PEX1: variants seen among roughly 807,000 people sequenced by gnomAD.
The protein encoded by PEX1 is peroxisomal ATPase PEX1.
Under a neutral mutation model 152.5 loss-of-function variants are expected in PEX1, and 97 were observed. That is an observed-to-expected ratio of 0.64 (90% CI 0.54 to 0.75). PEX1 has a LOEUF of 0.75. Among genes scored for constraint, PEX1 ranks in the 30% least tolerant of loss-of-function variants. The pLI is 0.00. For synonymous variants in PEX1, 485 were observed against 531.6 expected, an observed-to-expected ratio of 0.91 and a Z score of 1.21; for missense variants, 1,357 against 1,516.3, an observed-to-expected ratio of 0.89 and a Z score of 1.74.
intron 1 of PEX1, among the ~76,000 whole-genome samples, chr7:92,527,768 C>CTTAA (rs1793352625): frequency 6.6e-6 from 1 of 152,238 alleles, no homozygotes; most frequent in Non-Finnish European, 1.5e-5. Context: ...TTCAAGTGAT[C>CTTAA]TTAACTACGT....
chr7:92,519,690 A>C (rs1369950953), intron 2 of PEX1, among the ~76,000 whole-genome samples: 1 of 152,242 alleles, frequency 6.6e-6, no homozygotes, highest in Non-Finnish European at 1.5e-5. Context: ...AAATACACTG[A>C]AATAGACACT....
At chr7:92,503,374 G>T (rs577808417) in intron 12 of PEX1, among the ~76,000 whole-genome samples, 179 bp from the exon 13 acceptor site, 1 of 151,956 alleles carries the variant, frequency 6.6e-6, no homozygotes, top group South Asian at 2.1e-4. Context: ...TTTATCTATT[G>T]AGGACCTAAT....
chr7:92,515,109 A>C (rs1792677757), intron 5 of PEX1, among the ~76,000 whole-genome samples: 2 of 54,290 alleles, frequency 3.7e-5, no homozygotes, highest in Admixed American at 2.3e-4. Flanking sequence ...ATATATATAT[A>C]TATATATATA....
intron 11 of PEX1, 120 bp from the exon 12 acceptor site, chr7:92,505,022 A>G: frequency 6.7e-6 from 5 of 743,660 alleles, no homozygotes; most frequent in Non-Finnish European, 1.2e-5. Flanking sequence ...TTTGATCTAT[A>G]TTTTATTAAT....
rs117738184 is a variant in PEX1 at position 92,499,860 on chromosome 7, T to C, written c.2584-22A>G. The C allele has an allele frequency of 6.8e-4, 1,010 of 1,481,020 alleles. 10 individuals carry two copies. The African/African-American group carries it at 0.013, about 20-fold the overall frequency. The allele number at this position is 1,481,020 out of a possible 1,614,324, so 91.7% of individuals were successfully genotyped here. On this transcript the variant is annotated intron_variant, in intron 15 of 23. Transcript: ENST00000248633. ...GATACTGAGAAACAAAAAAAAAAAA[T>C]ATGAAAAAGAGCTCAAGTCTAAACA...
rs1365115823 is a variant in PEX1, at chr7:92,494,489, T to C, written c.2924A>G (p.Gln975Arg). The C allele has an allele frequency of 1.2e-6, 2 of 1,613,594 alleles. No individual in the cohort carries two copies. The highest frequency in any genetic ancestry group is 1.7e-6 in the Non-Finnish European group (2 of 1,179,502). ...LTQLDGVEGL[Q>R]GVYVLAATSR... ...ATTTCTGTATTTATAATTATTACCCTGTAAGCCTTCTACTCCATCCAACTG... is the reference window on the plus strand; with the variant it reads ...ATTTCTGTATTTATAATTATTACCCCGTAAGCCTTCTACTCCATCCAACTG... The change falls in exon 18 of 24, where the codon CAG becomes CGG. Residue 975 changes from glutamine (Q) to arginine (R), a missense_variant and splice_region_variant. Transcript: ENST00000248633.
At chr7:92,489,467 TAA>T in intron 22 of PEX1, 44 bp from the exon 23 acceptor site, 2 of 1,540,602 alleles carry the variant, frequency 1.3e-6, no homozygotes, top group African/African-American at 1.4e-5. Flanking sequence ...ATTAAGGATG[TAA>T]AAAAAAATGT....
intron 8 of PEX1, among the ~76,000 whole-genome samples, chr7:92,509,973 G>A (rs1041996732): frequency 3.3e-5 from 5 of 151,846 alleles, no homozygotes; most frequent in Admixed American, 6.6e-5. Context: ...GTGAAATCTC[G>A]TCTCTACTAA....
At chr7:92,527,086 T>A (rs1562872494) in intron 1 of PEX1, among the ~76,000 whole-genome samples, 1 of 152,224 alleles carries the variant, frequency 6.6e-6, no homozygotes, top group Non-Finnish European at 1.5e-5. Context: ...GTTCCAGGGC[T>A]AAAGACATTT....
rs201385649 is a variant in PEX1, at chr7:92,528,421, A to T, written c.15T>A (p.Asp5Glu). Reference protein sequence around the residue: MWGSDRLAGAGGGGA... With the variant: MWGSERLAGAGGGGA... Reference sequence around the variant, plus strand: ...CGCCTCCCCCAGCACCCGCCAGGCGATCGCTGCCCCACATCGTCCCGGAGC... The same window carrying T: ...CGCCTCCCCCAGCACCCGCCAGGCGTTCGCTGCCCCACATCGTCCCGGAGC... Residue 5 changes from aspartate to glutamate, a missense_variant, in exon 1 of 24, where the codon GAT (aspartate) becomes GAA (glutamate). Transcript: ENST00000248633. The T allele has an allele frequency of 1.1e-5, 18 of 1,595,174 alleles. No homozygotes were observed. The highest frequency in any genetic ancestry group is 1.4e-5 in the Non-Finnish European group (16 of 1,172,490).
chr7:92,512,134 G>A (rs1738145317), intron 6 of PEX1, among the ~76,000 whole-genome samples: 1 of 152,166 alleles, frequency 6.6e-6, no homozygotes, highest in African/African-American at 2.4e-5. Context: ...CCGGGTTCAA[G>A]CGATTCGCTT....
intron 7 of PEX1, 108 bp downstream of exon 7, chr7:92,511,472 A>G (rs985767622): frequency 1.2e-6 from 1 of 867,246 alleles, no homozygotes; most frequent in African/African-American, 1.7e-5. Flanking sequence ...TATCATAATT[A>G]TATTTCACTA....
At position 92,489,049 on chromosome 7, in the gene PEX1, T is replaced by A. The variant is rs575830824; in HGVS notation, c.3767+244A>T. Among the ~76,000 whole-genome samples the A allele has an allele frequency of 5.8e-4, 88 of 152,334 alleles. 1 individual carries two copies. Among genetic ancestry groups the A allele is most frequent in the Non-Finnish European group, 1.9e-4 (13 of 68,022 alleles). On this transcript the variant is annotated intron_variant, in intron 23 of 23. Transcript: ENST00000248633. The stretch of plus-strand genomic sequence containing the variant: ...GCACCCAGCCCAAAGTTACTAAAAT[T>A]AAATGAGTCCATTATGAATAATTCA...
At chr7:92,503,482 G>C (rs187496110) in intron 12 of PEX1, among the ~76,000 whole-genome samples, 2 of 152,128 alleles carry the variant, frequency 1.3e-5, no homozygotes, top group Non-Finnish European at 2.9e-5. Context: ...TGAAATAAAT[G>C]AACGAATGAT....
In PEX1 at chr7:92,499,742, T is replaced by C; in HGVS notation, c.2680A>G (p.Ile894Val). 1.2e-6 allele frequency: 2 copies of C among 1,613,474 alleles called. No individual in the cohort carries two copies. The highest frequency in any genetic ancestry group is 1.1e-5 in the South Asian group (1 of 91,058). ...AAATTCATTCTACTCTCTCGTGCAA[T>C]TACCCCAGCTAGTAAGGTTTTTCCT... Reference protein sequence around the residue: ...GTGKTLLAGVIARESRMNFIS... With the variant: ...GTGKTLLAGVVARESRMNFIS... Residue 894 changes from isoleucine (I) to valine (V), a missense_variant, in exon 16 of 24, where the codon ATT (isoleucine) becomes GTT (valine). Coordinates refer to ENST00000248633, the MANE Select transcript of PEX1 (RefSeq NM_000466.3).
chr7:92,501,180 C>T (rs1482859573), intron 15 of PEX1, among the ~76,000 whole-genome samples: 2 of 152,038 alleles, frequency 1.3e-5, no homozygotes, highest in East Asian at 1.9e-4. Context: ...AAGAGTTGGC[C>T]GGGCATGGTG....
chr7:92,505,425 AAAG>A (rs1390263899), intron 11 of PEX1, among the ~76,000 whole-genome samples: 1 of 151,666 alleles, frequency 6.6e-6, no homozygotes, highest in Non-Finnish European at 1.5e-5. Context: ...AAAAAAAAAA[AAAG>A]AAAAAAGAAA....
chr7:92,493,242 T>G, intron 19 of PEX1, 113 bp from the exon 20 acceptor site: 1 of 625,864 alleles, frequency 1.6e-6, no homozygotes, highest in African/African-American at 1.9e-5. Context: ...TAAAAAGCTT[T>G]ATAAGTAAGT....
intron 5 of PEX1, among the ~76,000 whole-genome samples, chr7:92,514,597 G>C (rs1342053382): frequency 6.6e-6 from 1 of 152,152 alleles, no homozygotes; most frequent in Non-Finnish European, 1.5e-5. Context: ...CAGACAATCT[G>C]CCTGATTGTC....
Sources: allele counts gnomAD v4.1 joint callset (sites outside exome capture counted in the v4.1 genomes callset), GRCh38; gene constraint gnomAD v4.1.1; transcripts MANE v1.5; gene names NCBI Gene and HGNC (gene_info 2026-07-23, HGNC 2026-07-21).